The following PTPRD variants were observed in gnomAD, a reference collection of about 807,000 sequenced individuals.
PTPRD encodes the protein receptor-type tyrosine-protein phosphatase delta.
In PTPRD, 34 loss-of-function variants were observed where a neutral mutation model predicts 214.5. The observed-to-expected ratio is 0.16, with a 90% CI of 0.12 to 0.21. The LOEUF is 0.21. Ranked by LOEUF, PTPRD falls within the 10% of genes least tolerant of loss-of-function variation. The probability of loss-of-function intolerance (pLI) is 1.00; values close to 1 mark genes in which losing one functional copy is unlikely to be tolerated. For missense variants in PTPRD, 2,545 were observed against 2,398.7 expected, an observed-to-expected ratio of 1.06 and a Z score of -1.27; for synonymous variants, 1,128 against 845.7, an observed-to-expected ratio of 1.33 and a Z score of -5.79.
intron 7 of PTPRD, among the ~76,000 whole-genome samples, chr9:9,726,545 A>C (rs1238766385): frequency 6.6e-6 from 1 of 152,216 alleles, no homozygotes. Context: ...AAACCATTTT[A>C]GTTTAAATGT....
intron 14 of PTPRD, among the ~76,000 whole-genome samples, chr9:8,618,855 C>T (rs1403372720): frequency 6.7e-6 from 1 of 149,644 alleles, no homozygotes; most frequent in Non-Finnish European, 1.5e-5. Context: ...TGCCACCACA[C>T]CCAGCTAATT....
chr9:9,580,662 C>G (rs2090509293), intron 7 of PTPRD, among the ~76,000 whole-genome samples: 1 of 151,274 alleles, frequency 6.6e-6, no homozygotes, highest in South Asian at 2.1e-4. Context: ...AATTCTCCTG[C>G]CTCAGCCTCC....
At chr9:9,707,365 A>T (rs1046366836) in intron 7 of PTPRD, among the ~76,000 whole-genome samples, 1 of 152,182 alleles carries the variant, frequency 6.6e-6, no homozygotes, top group Admixed American at 6.5e-5. Flanking sequence ...TTTACACAAG[A>T]TACAAATTAT....
intron 35 of PTPRD, among the ~76,000 whole-genome samples, chr9:8,407,735 C>T (rs187550126): frequency 9.5e-4 from 145 of 152,300 alleles, no homozygotes; most frequent in African/African-American, 3.3e-3. Context: ...ATGCAGCTTA[C>T]GTTTATACTC....
At chr9:9,648,474 T>G (rs1361914553) in intron 7 of PTPRD, among the ~76,000 whole-genome samples, 1 of 152,192 alleles carries the variant, frequency 6.6e-6, no homozygotes, top group African/African-American at 2.4e-5. Flanking sequence ...AAAATAAAGA[T>G]TTGATGTTTC....
chr9:9,959,955 G>T (rs2094233876), intron 4 of PTPRD, among the ~76,000 whole-genome samples: 1 of 152,102 alleles, frequency 6.6e-6, no homozygotes, highest in African/African-American at 2.4e-5. Flanking sequence ...TTATGATTAA[G>T]CACATATATT....
intron 9 of PTPRD, among the ~76,000 whole-genome samples, chr9:9,273,953 T>G (rs1943966380): frequency 6.6e-6 from 1 of 151,356 alleles, no homozygotes; most frequent in African/African-American, 2.4e-5. Flanking sequence ...AAGATCCTCT[T>G]TGATCTGTAA....
chr9:9,004,141 T>C (rs763431112), intron 11 of PTPRD, among the ~76,000 whole-genome samples: 17 of 152,038 alleles, frequency 1.1e-4, no homozygotes, highest in Non-Finnish European at 2.1e-4. Context: ...GGTAAACAGC[T>C]TTTGTCAATC....
At chr9:9,827,578 A>G (rs2053374659) in intron 5 of PTPRD, among the ~76,000 whole-genome samples, 1 of 152,182 alleles carries the variant, frequency 6.6e-6, no homozygotes, top group Non-Finnish European at 1.5e-5. Context: ...AGGCAATACC[A>G]TTCAGGACAC....
intron 8 of PTPRD, among the ~76,000 whole-genome samples, chr9:9,527,711 T>A (rs2074454828): frequency 6.6e-6 from 1 of 152,182 alleles, no homozygotes. Flanking sequence ...TCTTTCCCAA[T>A]AAGGAGTTTA....
At chr9:8,582,858 T>C (rs1299233739) in intron 14 of PTPRD, among the ~76,000 whole-genome samples, 5 of 152,222 alleles carry the variant, frequency 3.3e-5, no homozygotes, top group Non-Finnish European at 5.9e-5. Flanking sequence ...TTTTGTTTTT[T>C]GCTATTTAAT....
intron 8 of PTPRD, among the ~76,000 whole-genome samples, chr9:9,565,217 C>A (rs1466540032): frequency 6.6e-6 from 1 of 151,688 alleles, no homozygotes; most frequent in Non-Finnish European, 1.5e-5. Context: ...TCACTTTTTG[C>A]AACTCTAAAC....
chr9:10,122,936 T>C (rs1163681637), intron 3 of PTPRD, among the ~76,000 whole-genome samples: 1 of 152,222 alleles, frequency 6.6e-6, no homozygotes, highest in African/African-American at 2.4e-5. Flanking sequence ...TTGCGGCAGA[T>C]ATAAAGCAGG....
At chr9:9,861,436 A>G (rs1278549637) in intron 5 of PTPRD, among the ~76,000 whole-genome samples, 1 of 152,018 alleles carries the variant, frequency 6.6e-6, no homozygotes, top group Non-Finnish European at 1.5e-5. Flanking sequence ...GACTACAGGC[A>G]TGCACCACCA....
At chr9:9,233,982 C>CT (rs1043499456) in intron 9 of PTPRD, among the ~76,000 whole-genome samples, 7 of 152,220 alleles carry the variant, frequency 4.6e-5, no homozygotes, top group African/African-American at 1.4e-4. Context: ...GATGATGGCC[C>CT]TTTTTTTCAA....
At chr9:9,471,990 C>T (rs2094621954) in intron 8 of PTPRD, among the ~76,000 whole-genome samples, 1 of 151,992 alleles carries the variant, frequency 6.6e-6, no homozygotes, top group African/African-American at 2.4e-5. Flanking sequence ...CAGAAAATTC[C>T]ATTTATAAAA....
At chr9:9,468,939 G>A (rs1171908827) in intron 8 of PTPRD, among the ~76,000 whole-genome samples, 6 of 152,078 alleles carry the variant, frequency 3.9e-5, no homozygotes, top group Non-Finnish European at 8.8e-5. Context: ...TCTCCATAAA[G>A]GGGTTACATC....
intron 7 of PTPRD, among the ~76,000 whole-genome samples, chr9:9,668,607 T>A (rs1181213187): frequency 6.6e-6 from 1 of 152,210 alleles, no homozygotes; most frequent in East Asian, 1.9e-4. Flanking sequence ...TCATTCAGCA[T>A]AAAGAGAAAT....
chr9:9,994,895 A>G (rs1448726588), intron 4 of PTPRD, among the ~76,000 whole-genome samples: 1 of 152,130 alleles, frequency 6.6e-6, no homozygotes, highest in Non-Finnish European at 1.5e-5. Context: ...TAATGTTAAT[A>G]TTGGATACTG....
Sources: allele counts gnomAD v4.1 joint callset (sites outside exome capture counted in the v4.1 genomes callset), GRCh38; gene constraint gnomAD v4.1.1; transcripts MANE v1.5; gene names NCBI Gene and HGNC (gene_info 2026-07-23, HGNC 2026-07-21).